The following XNDC1N variants were observed in gnomAD, a reference collection of about 807,000 sequenced individuals.
XNDC1N encodes the protein protein XNDC1N.
chr11:71,866,886 G>A, the XNDC1N span, among the ~76,000 whole-genome samples: 1 of 152,056 alleles, frequency 6.6e-6, no homozygotes, highest in South Asian at 2.1e-4. Flanking sequence ...AATTTGATAT[G>A]ATCGAGACAA....
chr11:71,910,756 C>G, the XNDC1N span, among the ~76,000 whole-genome samples: 4 of 152,162 alleles, frequency 2.6e-5, no homozygotes, highest in Non-Finnish European at 5.9e-5. Context: ...CTAGGGGAGC[C>G]TAAGAGCAGA....
the XNDC1N span, chr11:71,893,370 A>G: frequency 2.6e-5 from 17 of 648,708 alleles, no homozygotes; most frequent in East Asian, 4.6e-4. Context: ...AAGTGTCAAG[A>G]TGTTCCTTGT....
At chr11:71,919,929 C>CTTCT in the XNDC1N span, among the ~76,000 whole-genome samples, 13 of 26,630 alleles carry the variant, frequency 4.9e-4, no homozygotes, top group East Asian at 2.5e-3. Flanking sequence ...AAGCAGGCCT[C>CTTCT]TTTTTTTTTT....
At chr11:71,866,152 T>G in the XNDC1N span, among the ~76,000 whole-genome samples, 25,760 of 151,778 alleles carry the variant, frequency 0.17, 3,762 homozygotes, top group African/African-American at 0.39. Flanking sequence ...ACCCCTTTTT[T>G]TTTTTTTTAC....
chr11:71,907,754 T>G, the XNDC1N span, among the ~76,000 whole-genome samples: 1 of 152,140 alleles, frequency 6.6e-6, no homozygotes, highest in Non-Finnish European at 1.5e-5. Flanking sequence ...GAAAGCAATA[T>G]TATCCTCTTC....
At chr11:71,910,065 C>T in the XNDC1N span, among the ~76,000 whole-genome samples, 1 of 152,132 alleles carries the variant, frequency 6.6e-6, no homozygotes, top group Non-Finnish European at 1.5e-5. Flanking sequence ...AAAACAGGAC[C>T]CGGTCCCCAG....
the XNDC1N span, among the ~76,000 whole-genome samples, chr11:71,904,511 T>C: frequency 6.6e-6 from 1 of 152,040 alleles, no homozygotes; most frequent in South Asian, 2.1e-4. Flanking sequence ...ACATCCACTG[T>C]GACATTTGAA....
the XNDC1N span, chr11:71,903,934 G>T: frequency 6.5e-6 from 3 of 464,796 alleles, no homozygotes; most frequent in African/African-American, 2.0e-5. Context: ...CCTGTCAGTT[G>T]TTTGCTGATT....
chr11:71,926,649 C>T, the XNDC1N span, among the ~76,000 whole-genome samples: 1 of 152,104 alleles, frequency 6.6e-6, no homozygotes, highest in Non-Finnish European at 1.5e-5. Context: ...ACCTGTAATC[C>T]CAGCATTTTG....
the XNDC1N span, among the ~76,000 whole-genome samples, chr11:71,886,609 A>G: frequency 6.6e-6 from 1 of 152,170 alleles, no homozygotes; most frequent in Non-Finnish European, 1.5e-5. Context: ...TATCGTATGT[A>G]TACTCCCTTT....
chr11:71,894,568 G>C, the XNDC1N span: 1 of 154,204 alleles, frequency 6.5e-6, no homozygotes, highest in Non-Finnish European at 1.4e-5. Context: ...CCTTTAACTG[G>C]AATGGGTGAG....
chr11:71,888,242 G>A, the XNDC1N span, among the ~76,000 whole-genome samples: 1 of 152,154 alleles, frequency 6.6e-6, no homozygotes, highest in African/African-American at 2.4e-5. Flanking sequence ...ATCCGACAGG[G>A]GTGGGAAGGC....
the XNDC1N span, among the ~76,000 whole-genome samples, chr11:71,871,434 A>C: frequency 1.3e-5 from 2 of 152,332 alleles, no homozygotes; most frequent in African/African-American, 4.8e-5. Context: ...GGACAGGAGA[A>C]TAAGGTTTCT....
the XNDC1N span, among the ~76,000 whole-genome samples, chr11:71,904,742 T>C: frequency 2.6e-5 from 4 of 152,042 alleles, no homozygotes; most frequent in Non-Finnish European, 4.4e-5. Context: ...TCCTGCGCCA[T>C]CAGGAGTAAT....
chr11:71,907,447 G>A, the XNDC1N span, among the ~76,000 whole-genome samples: 5 of 125,112 alleles, frequency 4.0e-5, no homozygotes, highest in Non-Finnish European at 5.5e-5. Flanking sequence ...CCACGATGCG[G>A]GGAGTAAGAG....
chr11:71,910,715 G>A, the XNDC1N span, among the ~76,000 whole-genome samples: 30 of 152,300 alleles, frequency 2.0e-4, no homozygotes, highest in Middle Eastern at 6.8e-3. Flanking sequence ...AACACAGCCC[G>A]GGGTCAGAAC....
the XNDC1N span, among the ~76,000 whole-genome samples, chr11:71,898,045 G>A: frequency 2.6e-5 from 4 of 152,152 alleles, no homozygotes; most frequent in East Asian, 1.9e-4. Flanking sequence ...TGAAACGAGC[G>A]TGGTGGCGTG....
the XNDC1N span, among the ~76,000 whole-genome samples, chr11:71,920,302 A>G: frequency 1.4e-5 from 2 of 145,502 alleles, no homozygotes; most frequent in African/African-American, 5.1e-5. Flanking sequence ...TTTCATTTAT[A>G]AGATTTTTTT....
At chr11:71,914,865 A>G in the XNDC1N span, among the ~76,000 whole-genome samples, 1 of 152,206 alleles carries the variant, frequency 6.6e-6, no homozygotes, top group African/African-American at 2.4e-5. Flanking sequence ...TGCAAACATT[A>G]TTGAAATGAT....
Sources: gnomAD v4.1 joint callset for allele counts (sites outside exome capture counted in the v4.1 genomes callset) on GRCh38, gnomAD v4.1.1 for gene constraint, MANE v1.5 for transcripts, NCBI Gene and HGNC (gene_info 2026-07-23, HGNC 2026-07-21) for gene names.